ASTN2: variants seen among roughly 807,000 people sequenced by gnomAD.
ASTN2 encodes astrotactin 2, also known as astrotactin-2.
Under a neutral mutation model 139.8 loss-of-function variants are expected in ASTN2, and 54 were observed. The observed-to-expected ratio is 0.39, with a 90% CI of 0.31 to 0.48. The LOEUF is 0.48. ASTN2 is among the 20% of genes least tolerant of loss of function. The pLI, the probability that ASTN2 is intolerant of heterozygous loss-of-function variation, is 0.95. For synonymous variants in ASTN2, 756 were observed against 719.5 expected (o/e 1.05, Z -0.81); for missense variants, 1,565 against 1,725.1 (o/e 0.91, Z 1.64).
intron 5 of ASTN2, among the ~76,000 whole-genome samples, chr9:117,074,345 C>A (rs1319980936): frequency 6.6e-6 from 1 of 152,094 alleles, no homozygotes; most frequent in African/African-American, 2.4e-5. Flanking sequence ...AGGTAACATG[C>A]CACCACAGTG....
chr9:116,679,504 T>C (rs192909659), intron 16 of ASTN2, among the ~76,000 whole-genome samples: 347 of 152,258 alleles, frequency 2.3e-3, no homozygotes, highest in African/African-American at 7.9e-3. Flanking sequence ...CAGTAATAAT[T>C]ATAATTATTA....
chr9:116,501,898 GC>G (rs1485250365), intron 19 of ASTN2, among the ~76,000 whole-genome samples: 1 of 150,508 alleles, frequency 6.6e-6, no homozygotes, highest in African/African-American at 2.4e-5. Flanking sequence ...GAGGTCCTGA[GC>G]CCATCCCATT....
intron 10 of ASTN2, among the ~76,000 whole-genome samples, chr9:116,890,790 C>A (rs559819065): frequency 6.6e-6 from 1 of 152,064 alleles, no homozygotes; most frequent in Non-Finnish European, 1.5e-5. Context: ...TGACCTTTTC[C>A]AGGCTGGTAA....
In ASTN2 at chr9:116,452,611, A is replaced by G. The variant is rs1815101842; in HGVS notation, c.3498-10058T>C. ...TACAACTGCCTAAGGGATGTGTATT[A>G]TTAAATCCATTTTACAAGGAGGCAA... On this transcript the variant is annotated intron_variant, in intron 20 of 22. Transcript: ENST00000313400. 2.6e-5 allele frequency among the ~76,000 whole-genome samples: 4 copies of G among 152,358 alleles called. No homozygotes were observed. In the South Asian group the frequency reaches 8.3e-4, roughly 32 times the overall value.
At chr9:116,935,611 CA>C (rs1386535563) in intron 10 of ASTN2, among the ~76,000 whole-genome samples, 31 of 152,290 alleles carry the variant, frequency 2.0e-4, no homozygotes, top group Middle Eastern at 6.8e-3. Flanking sequence ...CAGTCTAAAG[CA>C]CTGGTCTTGC....
chr9:116,628,053 T>A (rs1213597243), intron 17 of ASTN2, among the ~76,000 whole-genome samples: 6 of 152,178 alleles, frequency 3.9e-5, no homozygotes, highest in Non-Finnish European at 8.8e-5. Context: ...AGCCTCCATA[T>A]AAAAGACAAT....
At chr9:117,379,924 A>G (rs1301210376) in intron 1 of ASTN2, among the ~76,000 whole-genome samples, 1 of 152,190 alleles carries the variant, frequency 6.6e-6, no homozygotes, top group Non-Finnish European at 1.5e-5. Flanking sequence ...AGGGAGTGGC[A>G]TATTTTTTAA....
intron 6 of ASTN2, among the ~76,000 whole-genome samples, chr9:117,024,436 A>C (rs1346681154): frequency 6.6e-6 from 1 of 152,058 alleles, no homozygotes; most frequent in African/African-American, 2.4e-5. Flanking sequence ...TGTTAAAAGT[A>C]TCCTGAATAG....
At chr9:116,630,943 A>G (rs901847948) in intron 17 of ASTN2, among the ~76,000 whole-genome samples, 5 of 152,214 alleles carry the variant, frequency 3.3e-5, no homozygotes, top group Non-Finnish European at 7.4e-5. Context: ...GTGGCCAAGT[A>G]TATGAAAAAA....
At position 117,134,042 on chromosome 9, in the gene ASTN2, A is replaced by G. The variant is rs374089110; in HGVS notation, c.1168+7284T>C. 9.7e-4 allele frequency among the ~76,000 whole-genome samples: 147 copies of G among 151,998 alleles called. 1 individual carries two copies. The highest frequency in any genetic ancestry group is 3.3e-3 in the African/African-American group (138 of 41,416). On this transcript the variant is annotated intron_variant, in intron 4 of 22. Coordinates refer to ENST00000313400, the MANE Select transcript of ASTN2 (RefSeq NM_001365068.1). ...CTTTGTCAAAAGGGGCGGTAAACCT[A>G]AATCCCACCCAAAAATCCTTGGTAG...
rs75339287 is a variant in ASTN2, at chr9:117,233,975, C to G, written c.631-19233G>C. On this transcript the variant is annotated intron_variant, in intron 2 of 22. Coordinates refer to ENST00000313400, the MANE Select transcript of ASTN2 (RefSeq NM_001365068.1). ...TTACAAAATGCTTCATGTATCTGTC[C>G]TATGAACTGGAGTTTCTCATAAGAT... Among the ~76,000 whole-genome samples the G allele has an allele frequency of 7.2e-4, 110 of 152,256 alleles. 3 individuals carry two copies. The East Asian group carries it at 0.019, about 26-fold the overall frequency.
chr9:116,882,806 G>A (rs1014915995), intron 10 of ASTN2, among the ~76,000 whole-genome samples: 1 of 149,380 alleles, frequency 6.7e-6, no homozygotes, highest in African/African-American at 2.4e-5. Context: ...AAGCCTGGGT[G>A]ACAGACAGAG....
At chr9:117,271,696 A>G (rs992295859) in intron 2 of ASTN2, among the ~76,000 whole-genome samples, 2 of 152,152 alleles carry the variant, frequency 1.3e-5, no homozygotes, top group African/African-American at 4.8e-5. Flanking sequence ...CAAAACAAAG[A>G]AGTTACAGGG....
chr9:116,909,014 G>C (rs1262836319), intron 10 of ASTN2, among the ~76,000 whole-genome samples: 1 of 152,164 alleles, frequency 6.6e-6, no homozygotes, highest in Non-Finnish European at 1.5e-5. Context: ...GTAGGAACTG[G>C]TAAAAGTAGG....
intron 19 of ASTN2, among the ~76,000 whole-genome samples, chr9:116,600,009 G>A (rs540356318): frequency 6.6e-6 from 1 of 152,212 alleles, no homozygotes; most frequent in Non-Finnish European, 1.5e-5. Flanking sequence ...TAATTTCTCA[G>A]AGCAATGAAC....
chr9:117,008,190 G>T lies in ASTN2; in HGVS notation c.1493C>A (p.Ser498Tyr), dbSNP rs764788345. 2 of 1,611,470 alleles carry T rather than the reference G, an allele frequency of 1.2e-6. No homozygotes were observed. The highest frequency in any genetic ancestry group is 1.7e-5 in the Admixed American group (1 of 59,568). Residue 498 changes from serine (S) to tyrosine (Y), a missense_variant, in exon 7 of 23, where the codon TCC becomes TAC. Ser to Tyr is a moderately radical substitution (Grantham distance 144). Transcript: ENST00000313400. ...ISDWLNPAKL[S>Y]LYYQINATSP... ...GGTGGCATTGATCTGGTAATACAGG[G>T]AAAGCTTGGCCGGGTTTAACCAGTC... is the stretch of plus-strand genomic sequence containing the variant.
chr9:116,996,104 T>C (rs1468127549), intron 7 of ASTN2, among the ~76,000 whole-genome samples: 2 of 152,026 alleles, frequency 1.3e-5, no homozygotes, highest in Non-Finnish European at 2.9e-5. Context: ...GTTCACTTGA[T>C]CTCAAGTTCA....
At chr9:117,289,249 A>G (rs1243116515) in intron 2 of ASTN2, among the ~76,000 whole-genome samples, 1 of 152,102 alleles carries the variant, frequency 6.6e-6, no homozygotes, top group East Asian at 1.9e-4. Flanking sequence ...ACACGGTGGT[A>G]GCCTTGGGTC....
At chr9:116,439,577 G>A (rs1310500377) in intron 22 of ASTN2, among the ~76,000 whole-genome samples, 2 of 152,192 alleles carry the variant, frequency 1.3e-5, no homozygotes, top group Non-Finnish European at 2.9e-5. Context: ...GATGACAAAA[G>A]TCATAAAAGT....
Sources: allele counts gnomAD v4.1 joint callset (sites outside exome capture counted in the v4.1 genomes callset), GRCh38; gene constraint gnomAD v4.1.1; transcripts MANE v1.5; gene names NCBI Gene and HGNC (gene_info 2026-07-23, HGNC 2026-07-21).